The following CHODL variants were observed in gnomAD, a reference collection of about 807,000 sequenced individuals.
CHODL encodes chondrolectin, also known as transmembrane protein MT75.
In CHODL, 29 loss-of-function variants were observed where a neutral mutation model predicts 34.5. The ratio of observed to expected loss-of-function variants is 0.84; its 90% CI spans 0.63 to 1.15. The LOEUF (loss-of-function observed/expected upper bound fraction) is 1.15. Ranked by LOEUF, CHODL falls within the 50% of genes most tolerant of loss-of-function variation. The pLI is 0.00. For synonymous variants in CHODL, 125 were observed against 116.1 expected (o/e 1.08, Z -0.49); for missense variants, 332 against 332.5 (o/e 1.00, Z 0.01).
intron 2 of CHODL, among the ~76,000 whole-genome samples, chr21:18,108,701 GA>G (rs2065306332): frequency 6.6e-6 from 1 of 152,076 alleles, no homozygotes; most frequent in African/African-American, 2.4e-5. Context: ...CATTCCACTG[GA>G]AAAACCCTAG....
At chr21:18,224,613 CA>C (rs1423852947) in intron 2 of CHODL, among the ~76,000 whole-genome samples, 2 of 152,060 alleles carry the variant, frequency 1.3e-5, no homozygotes, top group African/African-American at 4.8e-5. Context: ...AAATTCTGAG[CA>C]CAAATTAGTA....
intron 1 of CHODL, among the ~76,000 whole-genome samples, chr21:17,957,324 T>A (rs1045001216): frequency 2.0e-5 from 3 of 152,258 alleles, no homozygotes; most frequent in South Asian, 2.1e-4. Context: ...GAACATTGGA[T>A]TATATAACTT....
intron 1 of CHODL, among the ~76,000 whole-genome samples, chr21:18,251,267 G>C (rs2074232805): frequency 6.6e-6 from 1 of 150,402 alleles, no homozygotes; most frequent in Non-Finnish European, 1.5e-5. Context: ...TGTTGTGACA[G>C]TGATAGGAGT....
intron 2 of CHODL, among the ~76,000 whole-genome samples, chr21:18,211,382 C>G (rs1365949099): frequency 6.6e-6 from 1 of 152,136 alleles, no homozygotes; most frequent in African/African-American, 2.4e-5. Flanking sequence ...TACTCAATAA[C>G]TATTGAATGA....
At chr21:18,249,070 A>T (rs866195699) in intron 1 of CHODL, among the ~76,000 whole-genome samples, 8 of 121,956 alleles carry the variant, frequency 6.6e-5, no homozygotes, top group African/African-American at 2.7e-4. Flanking sequence ...AATTTACTAT[A>T]TATAATATAT....
At chr21:18,241,259 A>AAC (rs1295870642), upstream of CHODL, among the ~76,000 whole-genome samples, 1 of 152,140 alleles carries the variant, frequency 6.6e-6, no homozygotes, top group African/African-American at 2.4e-5. Flanking sequence ...TAAAAAAAAA[A>AAC]AAACTTTTTG....
intron 2 of CHODL, among the ~76,000 whole-genome samples, chr21:18,145,549 G>T (rs1434640539): frequency 2.6e-5 from 4 of 151,512 alleles, no homozygotes; most frequent in African/African-American, 9.7e-5. Flanking sequence ...CTGAATGCTT[G>T]CTTATATAGC....
chr21:18,043,169 T>C (rs1166914319), intron 2 of CHODL, among the ~76,000 whole-genome samples: 2 of 151,968 alleles, frequency 1.3e-5, no homozygotes, highest in Non-Finnish European at 1.5e-5. Context: ...TAGGGGTGTA[T>C]TGGCCTAGAA....
chr21:17,953,994 G>A (rs2146344677), intron 1 of CHODL, among the ~76,000 whole-genome samples: 1 of 152,198 alleles, frequency 6.6e-6, no homozygotes, highest in South Asian at 2.1e-4. Flanking sequence ...GGGCGACAGA[G>A]CGAGACTCTG....
At chr21:18,092,746 C>T (rs923000027) in intron 2 of CHODL, among the ~76,000 whole-genome samples, 1 of 152,144 alleles carries the variant, frequency 6.6e-6, no homozygotes, top group Non-Finnish European at 1.5e-5. Context: ...AACTTGAAGA[C>T]AGGCTATTTG....
intron 1 of CHODL, among the ~76,000 whole-genome samples, chr21:18,250,795 A>G (rs1323203308): frequency 6.6e-6 from 1 of 151,906 alleles, no homozygotes; most frequent in African/African-American, 2.4e-5. Context: ...ATTCTAATAA[A>G]ACATTCTAAG....
intron 4 of CHODL, among the ~76,000 whole-genome samples, chr21:18,260,743 G>T (rs1180652483): frequency 6.6e-6 from 1 of 152,144 alleles, no homozygotes; most frequent in Non-Finnish European, 1.5e-5. Context: ...AGTCTGGGAA[G>T]TCGAGGCTGC....
At chr21:18,197,957 T>C (rs1034497588) in intron 2 of CHODL, among the ~76,000 whole-genome samples, 1 of 151,974 alleles carries the variant, frequency 6.6e-6, no homozygotes, top group African/African-American at 2.4e-5. Context: ...ACCTAAGCAT[T>C]TCAAGTCATC....
chr21:18,055,629 G>A (rs910538432), intron 2 of CHODL, among the ~76,000 whole-genome samples: 3 of 152,056 alleles, frequency 2.0e-5, no homozygotes, highest in Admixed American at 6.6e-5. Flanking sequence ...CAGGGCTAAA[G>A]TGTGGACTAG....
chr21:18,091,735 G>A (rs773814881), intron 2 of CHODL, among the ~76,000 whole-genome samples: 28 of 152,296 alleles, frequency 1.8e-4, no homozygotes, highest in Non-Finnish European at 2.6e-4. Flanking sequence ...CCTGAAGAGT[G>A]AGTCCCAGGC....
chr21:18,265,308 C>T (rs12185819), intron 5 of CHODL, among the ~76,000 whole-genome samples: 16 of 123,360 alleles, frequency 1.3e-4, no homozygotes, highest in Admixed American at 2.3e-4. Flanking sequence ...CACACACACA[C>T]ACATATATAT....
chr21:17,981,844 G>T (rs146421977), intron 1 of CHODL, among the ~76,000 whole-genome samples: 3 of 152,036 alleles, frequency 2.0e-5, no homozygotes, highest in African/African-American at 7.2e-5. Context: ...ATCACATAAT[G>T]GGCCTATTAA....
intron 2 of CHODL, among the ~76,000 whole-genome samples, chr21:18,164,184 G>A (rs983923110): frequency 4.6e-5 from 7 of 152,136 alleles, no homozygotes; most frequent in African/African-American, 1.4e-4. Flanking sequence ...AGCAGCACAG[G>A]GCCAAACAAA....
intron 1 of CHODL, among the ~76,000 whole-genome samples, chr21:18,251,413 T>TAATATATAAAATACAC (rs1192261192): frequency 0.02 from 1,025 of 50,002 alleles, 130 homozygotes; most frequent in African/African-American, 0.082. Flanking sequence ...ATATGTATTT[T>TAATATATAAAATACAC]ATTTATTTTA....
Sources: gnomAD v4.1 joint callset for allele counts (sites outside exome capture counted in the v4.1 genomes callset) on GRCh38, gnomAD v4.1.1 for gene constraint, MANE v1.5 for transcripts, NCBI Gene and HGNC (gene_info 2026-07-23, HGNC 2026-07-21) for gene names.